The following SSH2 variants were observed in gnomAD, a reference collection of about 807,000 sequenced individuals.
SSH2 encodes slingshot protein phosphatase 2, also known as protein phosphatase Slingshot homolog 2.
SSH2 carries 37 observed loss-of-function variants against 135.2 expected under a neutral mutation model. That is an observed-to-expected ratio of 0.27 (90% CI 0.21 to 0.36). The LOEUF (loss-of-function observed/expected upper bound fraction) is 0.36. SSH2 is among the 10% of genes least tolerant of loss of function. SSH2 has a pLI of 1.00. For missense variants in SSH2, 1,408 were observed against 1,765.3 expected (o/e 0.80, Z 3.63); for synonymous variants, 628 against 646.2 (o/e 0.97, Z 0.43).
intron 3 of SSH2, among the ~76,000 whole-genome samples, chr17:29,751,868 T>C (rs1319934183): frequency 2.0e-5 from 3 of 152,064 alleles, no homozygotes; most frequent in Non-Finnish European, 4.4e-5. Context: ...TGGTCTGATA[T>C]AAAAGCAAAT....
chr17:29,747,555 C>T (rs1278727295), intron 3 of SSH2, among the ~76,000 whole-genome samples: 3 of 152,138 alleles, frequency 2.0e-5, no homozygotes, highest in Non-Finnish European at 4.4e-5. Flanking sequence ...TACAGGAACA[C>T]CTAAAAAGGC....
chr17:29,735,171 T>C (rs534238625), intron 3 of SSH2, among the ~76,000 whole-genome samples: 31 of 152,242 alleles, frequency 2.0e-4, no homozygotes, highest in African/African-American at 7.0e-4. Context: ...AATTTCCTGG[T>C]CCAAAGCTCT....
At chr17:29,720,654 A>G (rs1210420718) in intron 3 of SSH2, among the ~76,000 whole-genome samples, 1 of 152,188 alleles carries the variant, frequency 6.6e-6, no homozygotes, top group Non-Finnish European at 1.5e-5. Flanking sequence ...GCACTAATGC[A>G]CAAATGAAAT....
At chr17:29,686,107 C>A (rs929944535) in intron 5 of SSH2, among the ~76,000 whole-genome samples, 9 of 152,028 alleles carry the variant, frequency 5.9e-5, no homozygotes, top group Non-Finnish European at 1.3e-4. Context: ...CTCGGCCTCA[C>A]AAGATGCTGG....
At chr17:29,810,027 C>G (rs2042414070) in intron 2 of SSH2, among the ~76,000 whole-genome samples, 1 of 152,170 alleles carries the variant, frequency 6.6e-6, no homozygotes, top group Admixed American at 6.6e-5. Context: ...ATATTATAAG[C>G]TTGAAGGCAG....
chr17:29,901,292 C>A (rs1184057256), intron 1 of SSH2, among the ~76,000 whole-genome samples: 3 of 151,048 alleles, frequency 2.0e-5, no homozygotes, highest in Non-Finnish European at 4.4e-5. Flanking sequence ...AAAAAAAAAA[C>A]AATGTTTTCT....
At chr17:29,746,758 C>T (rs1225322830) in intron 3 of SSH2, among the ~76,000 whole-genome samples, 1 of 152,078 alleles carries the variant, frequency 6.6e-6, no homozygotes, top group African/African-American at 2.4e-5. Context: ...AGGAAAAAAA[C>T]TCTCATTCAA....
At chr17:29,671,483 T>C (rs1450854753) in intron 9 of SSH2, among the ~76,000 whole-genome samples, 1 of 148,608 alleles carries the variant, frequency 6.7e-6, no homozygotes, top group Non-Finnish European at 1.5e-5. Flanking sequence ...TCCTGTCTCT[T>C]AAAAAAAAAA....
chr17:29,815,864 G>T (rs907570154), intron 2 of SSH2, among the ~76,000 whole-genome samples: 2 of 151,408 alleles, frequency 1.3e-5, no homozygotes, highest in Non-Finnish European at 2.9e-5. Context: ...TTTCTGGGGC[G>T]GGGGGATAGA....
intron 6 of SSH2, among the ~76,000 whole-genome samples, chr17:29,680,826 C>T (rs938922064): frequency 6.6e-6 from 1 of 151,998 alleles, no homozygotes; most frequent in Admixed American, 6.6e-5. Flanking sequence ...AGTGCTTAGC[C>T]AGGTTCTTAG....
rs1321574942 is a variant in SSH2 at position 29,728,562 on chromosome 17, T to A, written c.189-25500A>T. Among the ~76,000 whole-genome samples, 3 of 152,154 alleles carry A rather than the reference T, an allele frequency of 2.0e-5. No homozygotes were observed. The East Asian group carries it at 5.8e-4, about 29-fold the overall frequency. ...AGAAAAAATAATCCTAAAATTTACATGGAACCACAACATACCCAGAATAGC... is the reference window on the plus strand; with the variant it reads ...AGAAAAAATAATCCTAAAATTTACAAGGAACCACAACATACCCAGAATAGC... On this transcript the variant is annotated intron_variant, in intron 3 of 15. Transcript: ENST00000540801.
rs566896724 is a variant in SSH2, at chr17:29,862,677, C to T, written c.64-13748G>A. On this transcript the variant is annotated intron_variant, in intron 1 of 15. Coordinates refer to ENST00000540801, the MANE Select transcript of SSH2 (RefSeq NM_001282129.2). ...TTGGCCTGTCAGTGGCTAAGAGAGTCAAGATACTCATGCCACATTACTCCC... is the reference window on the plus strand; with the variant it reads ...TTGGCCTGTCAGTGGCTAAGAGAGTTAAGATACTCATGCCACATTACTCCC... 3.9e-4 allele frequency among the ~76,000 whole-genome samples: 60 copies of T among 152,304 alleles called. 1 individual carries two copies. The highest frequency in any genetic ancestry group is 1.4e-3 in the African/African-American group (59 of 41,578).
At chr17:29,786,628 G>GA (rs563534674) in intron 3 of SSH2, among the ~76,000 whole-genome samples, 147 of 149,296 alleles carry the variant, frequency 9.8e-4, no homozygotes, top group Middle Eastern at 6.9e-3. Flanking sequence ...TGTCTTCTGA[G>GA]AAAAAAAAAA....
At chr17:29,683,543 G>C (rs1214236677) in intron 6 of SSH2, among the ~76,000 whole-genome samples, 1 of 151,796 alleles carries the variant, frequency 6.6e-6, no homozygotes, top group Non-Finnish European at 1.5e-5. Context: ...ACAGACTGTA[G>C]TTTAAGTGGG....
At chr17:29,701,032 G>A (rs1480266794) in intron 4 of SSH2, among the ~76,000 whole-genome samples, 1 of 151,400 alleles carries the variant, frequency 6.6e-6, no homozygotes, top group Admixed American at 6.6e-5. Flanking sequence ...GTGCAGTGGC[G>A]TGATCTCAGC....
Position 29,737,853 on chromosome 17 carries a change from AAAG to A in SSH2, c.189-34794_189-34792del, listed in dbSNP as rs906485772. ...TGATCTTACAGAACAGTAAAGGCAG[AAAG>A]AAGTAGTGAGAAAAGTCACAGGCTT... On this transcript the variant is annotated intron_variant, in intron 3 of 15. Transcript: ENST00000540801. Among the ~76,000 whole-genome samples, 5 of 152,356 alleles carry A rather than the reference AAAG, an allele frequency of 3.3e-5. No homozygotes were observed. In the South Asian group the frequency reaches 6.2e-4, roughly 19 times the overall value.
At chr17:29,808,686 C>T (rs2042390857) in intron 2 of SSH2, among the ~76,000 whole-genome samples, 1 of 152,122 alleles carries the variant, frequency 6.6e-6, no homozygotes, top group Admixed American at 6.6e-5. Context: ...TTTTGGTCAA[C>T]TGGGGAAGTT....
At chr17:29,721,797 G>A (rs1456442711) in intron 3 of SSH2, among the ~76,000 whole-genome samples, 1 of 152,184 alleles carries the variant, frequency 6.6e-6, no homozygotes, top group Non-Finnish European at 1.5e-5. Context: ...AAGACAAAGG[G>A]TGAGACATAA....
intron 2 of SSH2, among the ~76,000 whole-genome samples, chr17:29,795,924 G>C (rs1371012041): frequency 6.6e-6 from 1 of 152,102 alleles, no homozygotes; most frequent in Non-Finnish European, 1.5e-5. Context: ...GTATTTTTTA[G>C]TAGAGATGGG....
Sources: gnomAD v4.1 joint callset for allele counts (sites outside exome capture counted in the v4.1 genomes callset) on GRCh38, gnomAD v4.1.1 for gene constraint, MANE v1.5 for transcripts, NCBI Gene and HGNC (gene_info 2026-07-23, HGNC 2026-07-21) for gene names.